The following ARPC4 variants were observed in gnomAD, a reference collection of about 807,000 sequenced individuals.
The protein encoded by ARPC4 is actin related protein 2/3 complex subunit 4, also known as actin-related protein 2/3 complex subunit 4.
Under a neutral mutation model 22.8 loss-of-function variants are expected in ARPC4, and 3 were observed. That is an observed-to-expected ratio of 0.13 (90% CI 0.06 to 0.34). The LOEUF (loss-of-function observed/expected upper bound fraction) is 0.34. ARPC4 is among the 10% of genes least tolerant of loss of function. The pLI is 1.00. For synonymous variants in ARPC4, 80 were observed against 72.5 expected, an observed-to-expected ratio of 1.10 and a Z score of -0.52; for missense variants, 98 against 211.0, an observed-to-expected ratio of 0.46 and a Z score of 3.32.
At chr3:9,804,607 A>G (rs1347680774) in intron 5 of ARPC4, among the ~76,000 whole-genome samples, 1 of 152,190 alleles carries the variant, frequency 6.6e-6, no homozygotes, top group Non-Finnish European at 1.5e-5. Flanking sequence ...TTGTTTAGAT[A>G]TTCAGAACAT....
At chr3:9,805,426 A>G (rs1423640634) in intron 5 of ARPC4, among the ~76,000 whole-genome samples, 1 of 152,192 alleles carries the variant, frequency 6.6e-6, no homozygotes, top group Non-Finnish European at 1.5e-5. Context: ...GCCTTTGTCA[A>G]GGGTCACAAA....
At position 9,806,413 on chromosome 3, in the gene ARPC4, G is replaced by A; in HGVS notation, c.*198G>A. On this transcript the variant is annotated 3_prime_UTR_variant, in exon 6 of 6. Coordinates refer to ENST00000397261, the MANE Select transcript of ARPC4 (RefSeq NM_005718.5). ...ACCTGCCCCAAGGCCACACGTGCCTGGTCAGGCTGGCTTCTGATGTTCAGT... is the reference window on the plus strand; with the variant it reads ...ACCTGCCCCAAGGCCACACGTGCCTAGTCAGGCTGGCTTCTGATGTTCAGT... 1.5e-6 allele frequency: 1 copy of A among 648,036 alleles called. No individual in the cohort carries two copies. The highest frequency in any genetic ancestry group is 2.4e-5 in the Admixed American group (1 of 41,002). The allele number at this position is 648,036 out of a possible 1,614,324, so 40.1% of individuals were successfully genotyped here.
intron 2 of ARPC4, among the ~76,000 whole-genome samples, chr3:9,798,871 T>G (rs2078951045): frequency 1.0e-5 from 1 of 98,128 alleles, no homozygotes; most frequent in South Asian, 3.4e-4. Flanking sequence ...AGACTTCGTC[T>G]CAAAAATAAA....
chr3:9,793,818 C>A (rs2078814670), intron 1 of ARPC4, among the ~76,000 whole-genome samples: 1 of 152,112 alleles, frequency 6.6e-6, no homozygotes, highest in Admixed American at 6.6e-5. Flanking sequence ...GGATGACCAT[C>A]TCCCTCTTCG....
chr3:9,799,015 G>C (rs553201829), intron 2 of ARPC4, among the ~76,000 whole-genome samples: 7 of 152,314 alleles, frequency 4.6e-5, no homozygotes, highest in Non-Finnish European at 8.8e-5. Context: ...GATATGCCCT[G>C]TTATACTGTG....
intron 3 of ARPC4, 81 bp from the exon 4 acceptor site, chr3:9,801,578 CTG>C (rs2079011557): frequency 4.3e-6 from 6 of 1,382,818 alleles, no homozygotes; most frequent in South Asian, 2.7e-5. Flanking sequence ...CTTGAAAAAA[CTG>C]GAGTCAGAAG....
intron 2 of ARPC4, among the ~76,000 whole-genome samples, chr3:9,798,885 A>G (rs942859429): frequency 6.6e-6 from 1 of 152,078 alleles, no homozygotes; most frequent in African/African-American, 2.4e-5. Flanking sequence ...AAATAAAATA[A>G]AATAAAATAA....
In ARPC4 at chr3:9,806,140, A is replaced by G. The variant is rs2079102397; in HGVS notation, c.502-70A>G. On this transcript the variant is annotated intron_variant, in intron 5 of 5. Coordinates refer to ENST00000397261, the MANE Select transcript of ARPC4 (RefSeq NM_005718.5). ...ACAGTGGCAGCTCTCAGGTTCATGCACCTCCTTAGAGCAGTGCCACCAGGA... is the reference window on the plus strand; with the variant it reads ...ACAGTGGCAGCTCTCAGGTTCATGCGCCTCCTTAGAGCAGTGCCACCAGGA... The G allele has an allele frequency of 1.9e-6, 3 of 1,559,544 alleles. No individual in the cohort carries two copies. In the African/African-American group the frequency reaches 4.1e-5, roughly 21 times the overall value.
chr3:9,795,622 G>C (rs1022246674), intron 1 of ARPC4, among the ~76,000 whole-genome samples: 1 of 152,168 alleles, frequency 6.6e-6, no homozygotes, highest in Non-Finnish European at 1.5e-5. Context: ...AACTCTTGCT[G>C]TCCTTTTGTG....
chr3:9,794,309 C>G (rs185516625), intron 1 of ARPC4, among the ~76,000 whole-genome samples: 1 of 152,174 alleles, frequency 6.6e-6, no homozygotes, highest in East Asian at 1.9e-4. Flanking sequence ...ACCATCCTGG[C>G]TAACACGGTG....
intron 5 of ARPC4, among the ~76,000 whole-genome samples, 196 bp from the exon 6 acceptor site, chr3:9,806,014 G>C (rs944599826): frequency 6.6e-6 from 1 of 152,216 alleles, no homozygotes; most frequent in African/African-American, 2.4e-5. Context: ...CTAGTGCTAG[G>C]CTTAGGGCCG....
chr3:9,805,200 T>G (rs1346349602), intron 5 of ARPC4, among the ~76,000 whole-genome samples: 2 of 152,234 alleles, frequency 1.3e-5, no homozygotes, highest in Non-Finnish European at 2.9e-5. Context: ...TTTATGATAA[T>G]TATATCGCAC....
At chr3:9,796,008 A>G (rs1016917253) in intron 1 of ARPC4, among the ~76,000 whole-genome samples, 1 of 152,206 alleles carries the variant, frequency 6.6e-6, no homozygotes, top group African/African-American at 2.4e-5. Flanking sequence ...AGGCAGGTGA[A>G]TCACTTGAAC....
Position 9,801,773 on chromosome 3 carries a change from C to T in ARPC4, c.330+17C>T, listed in dbSNP as rs1432762894. The T allele has an allele frequency of 1.3e-6, 2 of 1,582,860 alleles. No homozygotes were observed. The highest frequency in any genetic ancestry group is 4.6e-5 in the East Asian group (2 of 43,896). On this transcript the variant is annotated intron_variant, in intron 4 of 5. Transcript: ENST00000397261. The stretch of plus-strand genomic sequence containing the variant: ...CCTGTGGAGGTGAGACCCTGTGACC[C>T]ATGAGTTTGCGATACCCAGGACCCT...
chr3:9,796,909 C>G (rs2078905241), intron 1 of ARPC4, among the ~76,000 whole-genome samples: 1 of 145,032 alleles, frequency 6.9e-6, no homozygotes, highest in African/African-American at 2.6e-5. Context: ...CCACCGCGCT[C>G]CAGCCTGGGC....
chr3:9,801,553 C>A, intron 3 of ARPC4, 108 bp from the exon 4 acceptor site: 1 of 1,103,962 alleles, frequency 9.1e-7, no homozygotes, highest in Non-Finnish European at 1.3e-6. Flanking sequence ...CCAAACCTCA[C>A]TGTCTCCTGG....
chr3:9,805,149 A>C (rs1204823994), intron 5 of ARPC4, among the ~76,000 whole-genome samples: 1 of 152,212 alleles, frequency 6.6e-6, no homozygotes, highest in African/African-American at 2.4e-5. Flanking sequence ...CTCTTGTTCC[A>C]ATTGAATATT....
intron 4 of ARPC4, 88 bp downstream of exon 4, chr3:9,801,844 T>C: frequency 7.6e-7 from 1 of 1,318,968 alleles, no homozygotes; most frequent in Non-Finnish European, 1.0e-6. Flanking sequence ...CTACTCCAGC[T>C]GTTTGGCACC....
chr3:9,804,026 C>T lies in ARPC4; in HGVS notation c.501+13C>T. On this transcript the variant is annotated intron_variant, in intron 5 of 5. Transcript: ENST00000397261. ...GTTCCTTAAGAATGTGAGTAGGGGC[C>T]TTTAGCTTTCCTTCCAGAGGCCAGA... 2 of 1,612,308 alleles carry T rather than the reference C, an allele frequency of 1.2e-6. No individual in the cohort carries two copies. The highest frequency in any genetic ancestry group is 1.1e-5 in the South Asian group (1 of 91,002).
Sources: gnomAD v4.1 joint callset for allele counts (sites outside exome capture counted in the v4.1 genomes callset) on GRCh38, gnomAD v4.1.1 for gene constraint, MANE v1.5 for transcripts, NCBI Gene and HGNC (gene_info 2026-07-23, HGNC 2026-07-21) for gene names.